DDX31: variants seen among roughly 807,000 people sequenced by gnomAD.
DDX31 encodes DEAD-box helicase 31.
Under a neutral mutation model 91.3 loss-of-function variants are expected in DDX31, and 70 were observed. The observed-to-expected ratio is 0.77, with a 90% CI of 0.63 to 0.94. DDX31 has a LOEUF of 0.94. DDX31 is among the 40% of genes least tolerant of loss of function. DDX31 has a pLI of 0.00. For missense variants in DDX31, 902 were observed against 925.0 expected, an observed-to-expected ratio of 0.98 and a Z score of 0.32; for synonymous variants, 362 against 350.6, an observed-to-expected ratio of 1.03 and a Z score of -0.36.
chr9:132,595,214 C>A lies in DDX31; in HGVS notation c.1995-102G>T. The A allele has an allele frequency of 7.1e-7, 1 of 1,401,514 alleles. No individual in the cohort carries two copies. The highest frequency in any genetic ancestry group is 9.6e-7 in the Non-Finnish European group (1 of 1,040,758). 86.8% of individuals were successfully genotyped at this position (1,401,514 alleles called of 1,614,324 possible). Reference sequence around the variant, plus strand: ...GCTGGTTCTGAGACTGTGAAGCTGACATTTTTGTATTAACAGAAGTACAAT... The same window carrying A: ...GCTGGTTCTGAGACTGTGAAGCTGAAATTTTTGTATTAACAGAAGTACAAT... On this transcript the variant is annotated intron_variant, in intron 19 of 19. Transcript: ENST00000372159. This position sits in a 1 kb window ranked among gnomAD's most constrained non-coding sequence, Gnocchi z 4.6.
rs1271241497 is a variant in DDX31 at position 132,628,486 on chromosome 9, T to TC, written c.1631+1777dup. On this transcript the variant is annotated intron_variant, in intron 16 of 19. Transcript: ENST00000372159. ...GTTATGTCTTTAAAATATACCTGAC[T>TC]CCCTAATACTTCGTGCCTTTGCTAA... Among the ~76,000 whole-genome samples the TC allele has an allele frequency of 3.3e-5, 5 of 152,372 alleles. No homozygotes were observed. In the East Asian group the frequency reaches 7.7e-4, roughly 23 times the overall value.
At chr9:132,612,652 T>C (rs1335115239) in intron 18 of DDX31, among the ~76,000 whole-genome samples, 1 of 152,272 alleles carries the variant, frequency 6.6e-6, no homozygotes, top group Non-Finnish European at 1.5e-5. Flanking sequence ...GGACATCGTT[T>C]TCTTATGAAA....
intron 1 of DDX31, among the ~76,000 whole-genome samples, chr9:132,667,554 G>A (rs576944854): frequency 6.6e-6 from 1 of 152,174 alleles, no homozygotes; most frequent in South Asian, 2.1e-4. Context: ...AGTGAGCAGA[G>A]ATCGCGCCAC....
At chr9:132,664,728 A>AAC (rs1034765520) in intron 1 of DDX31, among the ~76,000 whole-genome samples, 6 of 151,660 alleles carry the variant, frequency 4.0e-5, no homozygotes, top group South Asian at 4.2e-4. Context: ...AAAAAAAAAA[A>AAC]AAAAAAAAAC....
chr9:132,595,515 A>G lies in DDX31; in HGVS notation c.1995-403T>C, dbSNP rs1830397800. 6.6e-6 allele frequency among the ~76,000 whole-genome samples: 1 copy of G among 152,114 alleles called. No individual in the cohort carries two copies. Among genetic ancestry groups the G allele is most frequent in the Admixed American group, 6.5e-5 (1 of 15,276 alleles). ...TCACGGCAGCTTCCCAGTAACCCCT[A>G]AGCAGCTTAAAGCAACTGGCCTCCT... On this transcript the variant is annotated intron_variant, in intron 19 of 19. Transcript: ENST00000372159. The surrounding 1 kb of genome is among the most constrained non-coding windows in gnomAD (Gnocchi z 4.6).
At chr9:132,612,515 G>A (rs1237174988) in intron 18 of DDX31, among the ~76,000 whole-genome samples, 1 of 152,182 alleles carries the variant, frequency 6.6e-6, no homozygotes, top group Non-Finnish European at 1.5e-5. Context: ...TGACCACACA[G>A]CTCCTAACAA....
At chr9:132,600,623 T>C (rs921629953) in intron 19 of DDX31, among the ~76,000 whole-genome samples, 3 of 152,100 alleles carry the variant, frequency 2.0e-5, no homozygotes, top group Admixed American at 2.0e-4. Context: ...TATTTAGATA[T>C]GGCCGATGTT....
At chr9:132,634,585 GTTTTTTTT>G (rs59296842) in intron 14 of DDX31, among the ~76,000 whole-genome samples, 2 of 103,102 alleles carry the variant, frequency 1.9e-5, no homozygotes, top group South Asian at 3.6e-4. Context: ...TACCTAAGAT[GTTTTTTTT>G]TTTTTTTTTT....
At position 132,612,177 on chromosome 9, in the gene DDX31, A is replaced by C; in HGVS notation, c.1904T>G (p.Leu635Arg). ...TCCGAAGCTCTTCGCCACATGCCCAAGGTGGAGGGATCGGACGTGGAAGAT... is the reference window on the plus strand; with the variant it reads ...TCCGAAGCTCTTCGCCACATGCCCACGGTGGAGGGATCGGACGTGGAAGAT... The part of the protein sequence containing the change: ...KHIFHVRSLH[L>R]GHVAKSFGLR... The change falls in exon 19 of 20, where the codon CTT becomes CGT. Residue 635 changes from leucine (L) to arginine (R), a missense_variant. Coordinates refer to ENST00000372159, the MANE Select transcript of DDX31 (RefSeq NM_022779.9). 6.2e-7 allele frequency: 1 copy of C among 1,614,160 alleles called. No homozygotes were observed. The highest frequency in any genetic ancestry group is 8.5e-7 in the Non-Finnish European group (1 of 1,180,028).
chr9:132,662,091 C>A (rs1307284294), intron 3 of DDX31, among the ~76,000 whole-genome samples, 170 bp downstream of exon 3: 3 of 152,154 alleles, frequency 2.0e-5, no homozygotes, highest in Middle Eastern at 3.2e-3. Context: ...AACCTAAGCA[C>A]CCTTGAACTG....
At chr9:132,632,225 ATATGCC>A (rs1832779003) in intron 14 of DDX31, 134 bp from the exon 15 acceptor site, 2 of 299,754 alleles carry the variant, frequency 6.7e-6, no homozygotes, top group Admixed American at 4.4e-5. Context: ...GCATACACGT[ATATGCC>A]CAGTACGTGT....
intron 6 of DDX31, among the ~76,000 whole-genome samples, chr9:132,654,688 G>A (rs1834436103): frequency 1.3e-5 from 2 of 152,138 alleles, no homozygotes; most frequent in South Asian, 2.1e-4. Context: ...GCTCATGCCT[G>A]TAATCCCAGC....
intron 6 of DDX31, chr9:132,658,392 T>C (rs1834710818): frequency 1.4e-6 from 1 of 702,876 alleles, no homozygotes; most frequent in Non-Finnish European, 2.6e-6. Flanking sequence ...CAGTTAAAGA[T>C]TCAAGAAGGG....
At position 132,646,099 on chromosome 9, in the gene DDX31, C is replaced by A. The variant is rs12349774; in HGVS notation, c.1204-28G>T. On this transcript the variant is annotated intron_variant, in intron 12 of 19. Transcript: ENST00000372159. ...ACATCGATACAAAGGGAGGAAAAACCGACATATTTTAAGATTAGGTGACGC... is the reference window on the plus strand; with the variant it reads ...ACATCGATACAAAGGGAGGAAAAACAGACATATTTTAAGATTAGGTGACGC... The A allele has an allele frequency of 9.6e-4, 1,544 of 1,601,470 alleles. 19 individuals carry two copies. The African/African-American group carries it at 0.018, about 19-fold the overall frequency.
chr9:132,638,495 T>G, intron 14 of DDX31: 2 of 1,288,322 alleles, frequency 1.6e-6, no homozygotes, highest in Non-Finnish European at 2.2e-6. Context: ...CCCTACTTCC[T>G]ACTTAACTTG....
At chr9:132,645,768 G>T in intron 13 of DDX31, 127 bp downstream of exon 13, 1 of 1,040,916 alleles carries the variant, frequency 9.6e-7, no homozygotes, top group Non-Finnish European at 1.3e-6. Context: ...TTCTTGACTT[G>T]CCCAGTGGAG....
intron 14 of DDX31, among the ~76,000 whole-genome samples, chr9:132,634,776 G>A (rs1409202957): frequency 6.6e-6 from 1 of 151,744 alleles, no homozygotes; most frequent in Non-Finnish European, 1.5e-5. Context: ...GACTCTTTCT[G>A]CCCAGGCTGG....
intron 14 of DDX31, 142 bp from the exon 15 acceptor site, chr9:132,632,233 A>G (rs1832779751): frequency 1.2e-5 from 2 of 165,390 alleles, no homozygotes; most frequent in East Asian, 1.4e-4. Context: ...GTATATGCCC[A>G]GTACGTGTAC....
At chr9:132,616,803 T>G (rs1220965250) in intron 18 of DDX31, among the ~76,000 whole-genome samples, 1 of 152,256 alleles carries the variant, frequency 6.6e-6, no homozygotes, top group Admixed American at 6.5e-5. Flanking sequence ...TAGAAGGATA[T>G]ACAATGGCAA....
Sources: gnomAD v4.1 joint callset for allele counts (sites outside exome capture counted in the v4.1 genomes callset) on GRCh38, gnomAD v4.1.1 for gene constraint, Gnocchi (gnomAD v3.1) non-coding constraint, MANE v1.5 for transcripts, NCBI Gene and HGNC (gene_info 2026-07-23, HGNC 2026-07-21) for gene names.